The following DIP2A variants were observed in gnomAD, a reference collection of about 807,000 sequenced individuals.
The protein encoded by DIP2A is disco-interacting protein 2 homolog A.
In DIP2A, 85 loss-of-function variants were observed where a neutral mutation model predicts 177.4. That is an observed-to-expected ratio of 0.48 (90% CI 0.40 to 0.57). The LOEUF (loss-of-function observed/expected upper bound fraction) is 0.57, where lower values mean the gene tolerates loss of function less well. DIP2A is among the 20% of genes least tolerant of loss of function. DIP2A has a pLI of 0.00. For missense variants in DIP2A, 1,791 were observed against 2,100.2 expected (o/e 0.85, Z 2.88); for synonymous variants, 886 against 881.8 (o/e 1.00, Z -0.08).
chr21:46,573,744 A>G (rs1280590838), downstream of DIP2A, among the ~76,000 whole-genome samples: 1 of 151,526 alleles, frequency 6.6e-6, no homozygotes, highest in Admixed American at 6.6e-5. Context: ...TATAGTTTAA[A>G]TAAAAAATGA....
chr21:46,574,773 T>C (rs2211884), downstream of DIP2A, among the ~76,000 whole-genome samples: 60,020 of 152,000 alleles, frequency 0.39, 13,048 homozygotes, highest in African/African-American at 0.59. Context: ...CTGAGTAGAC[T>C]TATAACTAGT....
intron 1 of DIP2A, among the ~76,000 whole-genome samples, chr21:46,477,862 C>A (rs956466719): frequency 6.6e-6 from 1 of 151,968 alleles, no homozygotes; most frequent in African/African-American, 2.4e-5. Context: ...GGGATACAGG[C>A]GTGAGCCACC....
In DIP2A at chr21:46,561,639, G is replaced by A. The variant is rs779286864; in HGVS notation, c.4032-109G>A. 4.4e-6 allele frequency: 6 copies of A among 1,378,814 alleles called. No homozygotes were observed. The African/African-American group carries it at 8.5e-5, about 20-fold the overall frequency. The allele number at this position is 1,378,814 out of a possible 1,614,324, so 85.4% of individuals were successfully genotyped here. A position where few individuals can be genotyped will look rare whatever the true frequency, so the allele number is the denominator to read the frequency against. ...CTGTGGAAAGGTTGACATCCTGACT[G>A]TTGTCAACAGACCCTCAGAGTGATC... On this transcript the variant is annotated intron_variant, in intron 33 of 37. Transcript: ENST00000417564.
In DIP2A at chr21:46,541,807, C is replaced by G. The variant is rs367800392; in HGVS notation, c.2088C>G (p.Asn696Lys). The part of the protein sequence containing the change: ...PPPRKAVLSM[N>K]GLSYGVIRVD... ...CAAGAAAAGCAGTCCTGTCGATGAACGGTCTAAGTTATGGTGTTATCAGAG... is the reference window on the plus strand; with the variant it reads ...CAAGAAAAGCAGTCCTGTCGATGAAGGGTCTAAGTTATGGTGTTATCAGAG... The change falls in exon 18 of 38, where the codon AAC becomes AAG. Residue 696 changes from asparagine (N) to lysine (K), a missense_variant. Physicochemically the swap from Asn to Lys is moderately conservative, Grantham distance 94 (BLOSUM62 0). Transcript: ENST00000417564. 3.7e-6 allele frequency: 6 copies of G among 1,613,796 alleles called. No homozygotes were observed. In the African/African-American group the frequency reaches 5.3e-5, roughly 14 times the overall value.
chr21:46,549,845 C>T lies in DIP2A; in HGVS notation c.2597C>T (p.Ser866Leu), dbSNP rs368841415. 6.4e-5 allele frequency: 104 copies of T among 1,612,826 alleles called. 1 individual carries two copies. In the Middle Eastern group the frequency reaches 1.6e-3, roughly 25 times the overall value. The change falls in exon 22 of 38, where the codon TCG (serine) becomes TTG (leucine). Residue 866 changes from serine (S) to leucine (L), a missense_variant. Coordinates refer to ENST00000417564, the MANE Select transcript of DIP2A (RefSeq NM_015151.4). ...GTGGCTGAGCAGCGGCCGGATGCCT[C>T]GGAGGAGGACAGCTTCCAGTGGATG... ...VLVAEQRPDA[S>L]EEDSFQWMSR...
At chr21:46,546,189 G>C in intron 20 of DIP2A, 1 of 1,318,968 alleles carries the variant, frequency 7.6e-7, no homozygotes, top group Non-Finnish European at 9.7e-7. Flanking sequence ...GGGGTCCCCG[G>C]GGTGGATGAG....
At chr21:46,546,043 C>T (rs771860083) in intron 20 of DIP2A, 82 bp downstream of exon 20, 3 of 1,600,714 alleles carry the variant, frequency 1.9e-6, no homozygotes, top group South Asian at 2.2e-5. Context: ...GCAGCCCCAC[C>T]CTTGTCCTGG....
Position 46,497,016 on chromosome 21 carries a change from T to G in DIP2A, c.312T>G (p.Ala104=). The change falls in exon 4 of 38, where the codon GCT becomes GCG. Residue 104 remains alanine (A), a synonymous_variant. Transcript: ENST00000417564. ...TCCACACTGAAGCCGTGCAAGCAGCTTTGGCCAAATACAAAGAGAGGAAGA... is the reference window on the plus strand; with the variant it reads ...TCCACACTGAAGCCGTGCAAGCAGCGTTGGCCAAATACAAAGAGAGGAAGA... ...SDVHTEAVQA[A]LAKYKERKMP... 2 of 1,605,738 alleles carry G rather than the reference T, an allele frequency of 1.2e-6. No individual in the cohort carries two copies. The highest frequency in any genetic ancestry group is 8.5e-7 in the Non-Finnish European group (1 of 1,176,434).
chr21:46,532,326 G>T (rs1321313951), intron 10 of DIP2A, 89 bp downstream of exon 10: 16 of 1,036,728 alleles, frequency 1.5e-5, no homozygotes, highest in Non-Finnish European at 2.1e-5. Context: ...ATGTGGGCAG[G>T]CAGCAAGCAG....
rs368502145 is a variant in DIP2A, at chr21:46,557,733, G to T, written c.3778G>T (p.Ala1260Ser). 1 of 1,610,976 alleles carries T rather than the reference G, an allele frequency of 6.2e-7. No individual in the cohort carries two copies. The highest frequency in any genetic ancestry group is 8.5e-7 in the Non-Finnish European group (1 of 1,177,602). Residue 1260 changes from alanine to serine, a missense_variant, in exon 31 of 38, where the codon GCA (alanine) becomes TCA (serine). Transcript: ENST00000417564. This position sits in a 1 kb window ranked among gnomAD's most constrained non-coding sequence, Gnocchi z 6.0. ...GGAGATGTGCACCAAGGGCCTAGGCGCACAGACGGGTGTCCTCAGGGTGAG... is the reference window on the plus strand; with the variant it reads ...GGAGATGTGCACCAAGGGCCTAGGCTCACAGACGGGTGTCCTCAGGGTGAG... ...VMEMCTKGLG[A>S]QTGVLRMKGV...
Position 46,555,978 on chromosome 21 carries a change from A to G in DIP2A, c.3389-4A>G, listed in dbSNP as rs2060454295. 1.2e-6 allele frequency: 2 copies of G among 1,609,542 alleles called. No individual in the cohort carries two copies. The highest frequency in any genetic ancestry group is 4.5e-5 in the East Asian group (2 of 44,850). ...TAATGTTGCTGGTGTCTCCTGTTTAACAGATGACATCCCAAAAAAGAAGAT... is the reference window on the plus strand; with the variant it reads ...TAATGTTGCTGGTGTCTCCTGTTTAGCAGATGACATCCCAAAAAAGAAGAT... On this transcript the variant is annotated splice_polypyrimidine_tract_variant and splice_region_variant and intron_variant, in intron 28 of 37. Coordinates refer to ENST00000417564, the MANE Select transcript of DIP2A (RefSeq NM_015151.4).
At chr21:46,490,480 A>T in intron 2 of DIP2A, 120 bp from the exon 3 acceptor site, 2 of 1,225,428 alleles carry the variant, frequency 1.6e-6, no homozygotes, top group Non-Finnish European at 2.2e-6. Context: ...CTTCCAGATT[A>T]AAGGCTCTTT....
In DIP2A at chr21:46,537,379, G is replaced by T; in HGVS notation, c.1708-67G>T. Reference sequence around the variant, plus strand: ...TGAAATGTTGTTGGGAGAGTACATCGGTTTTGTTTTGCTTTTTCTGGTGTG... The same window carrying T: ...TGAAATGTTGTTGGGAGAGTACATCTGTTTTGTTTTGCTTTTTCTGGTGTG... On this transcript the variant is annotated intron_variant, in intron 14 of 37. Coordinates refer to ENST00000417564, the MANE Select transcript of DIP2A (RefSeq NM_015151.4). This position sits in a 1 kb window ranked among gnomAD's most constrained non-coding sequence, Gnocchi z 4.1. 6.2e-7 allele frequency: 1 copy of T among 1,609,540 alleles called. No individual in the cohort carries two copies.
rs2059602122 is a variant in DIP2A, at chr21:46,537,004, T to G, written c.1643-220T>G. Among the ~76,000 whole-genome samples, 1 of 152,148 alleles carries G rather than the reference T, an allele frequency of 6.6e-6. No homozygotes were observed. The highest frequency in any genetic ancestry group is 6.5e-5 in the Admixed American group (1 of 15,282). On this transcript the variant is annotated intron_variant, in intron 13 of 37. Transcript: ENST00000417564. This position sits in a 1 kb window ranked among gnomAD's most constrained non-coding sequence, Gnocchi z 4.1. The stretch of plus-strand genomic sequence containing the variant: ...GCCTTCTGATTAGTGCTCAGCGTGG[T>G]TCTCTGTGTTAGTTCCATGACCTTC...
intron 1 of DIP2A, among the ~76,000 whole-genome samples, chr21:46,468,105 TAAA>T (rs966901037): frequency 7.0e-6 from 1 of 143,852 alleles, no homozygotes. Context: ...CTCTACTAAA[TAAA>T]AAAAAAAATT....
intron 18 of DIP2A, among the ~76,000 whole-genome samples, chr21:46,543,517 C>T (rs920759042): frequency 6.6e-5 from 10 of 151,936 alleles, no homozygotes; most frequent in African/African-American, 2.4e-4. Context: ...AGCGCTCCCC[C>T]TCTGCCAGGC....
intron 5 of DIP2A, among the ~76,000 whole-genome samples, chr21:46,500,522 A>G (rs2057591894): frequency 6.6e-6 from 1 of 152,198 alleles, no homozygotes; most frequent in Admixed American, 6.5e-5. Flanking sequence ...GGGCAGGAAA[A>G]CAGTAGTTTT....
chr21:46,504,679 A>G (rs1159001041), intron 6 of DIP2A, among the ~76,000 whole-genome samples, 190 bp downstream of exon 6: 1 of 152,262 alleles, frequency 6.6e-6, no homozygotes, highest in African/African-American at 2.4e-5. Context: ...ATAATTGGAA[A>G]TATCAATGGA....
intron 2 of DIP2A, among the ~76,000 whole-genome samples, chr21:46,485,214 G>A (rs1412666364): frequency 6.6e-6 from 1 of 150,700 alleles, no homozygotes; most frequent in Admixed American, 6.7e-5. Flanking sequence ...TAGATTCAGT[G>A]CATTCATCAT....
Sources: allele counts gnomAD v4.1 joint callset (sites outside exome capture counted in the v4.1 genomes callset), GRCh38; gene constraint gnomAD v4.1.1; non-coding constraint Gnocchi (gnomAD v3.1); transcripts MANE v1.5; gene names NCBI Gene and HGNC (gene_info 2026-07-23, HGNC 2026-07-21).